Variants in ARHGEF9 observed in about 807,000 individuals in gnomAD.
ARHGEF9 encodes the protein Cdc42 guanine nucleotide exchange factor 9.
In ARHGEF9, 2 loss-of-function variants were observed where a neutral mutation model predicts 41.3. That is an observed-to-expected ratio of 0.05 (90% CI 0.02 to 0.15). The LOEUF (loss-of-function observed/expected upper bound fraction) is 0.15, where lower values mean the gene tolerates loss of function less well. Among genes scored for constraint, ARHGEF9 ranks in the 10% least tolerant of loss-of-function variants. ARHGEF9 has a pLI of 1.00. For missense variants in ARHGEF9, 225 were observed against 424.7 expected (o/e 0.53, Z 4.13); for synonymous variants, 160 against 154.4 (o/e 1.04, Z -0.27).
At chrX:63,649,864 C>T (rs2048418198) in intron 8 of ARHGEF9, among the ~76,000 whole-genome samples, 1 of 111,802 alleles carries the variant, frequency 8.9e-6, no homozygotes, top group Admixed American at 9.5e-5. Context: ...TTCCTCGACA[C>T]ATACACCCTC....
chrX:63,765,409 C>A (rs1340570107), intron 1 of ARHGEF9, among the ~76,000 whole-genome samples: 4 of 110,494 alleles, frequency 3.6e-5, no homozygotes, highest in Non-Finnish European at 7.6e-5. Context: ...AAAAAAAAAA[C>A]CCTCGCTTAA....
chrX:63,655,832 G>A (rs1227895524), intron 7 of ARHGEF9, 95 bp from the exon 8 acceptor site: 45 of 1,080,760 alleles, frequency 4.2e-5, no homozygotes, highest in Non-Finnish European at 5.5e-5. Context: ...CACTGTCACC[G>A]TTTTGAAGTA....
At chrX:63,774,359 C>T (rs1448556488) in intron 1 of ARHGEF9, among the ~76,000 whole-genome samples, 1 of 111,434 alleles carries the variant, frequency 9.0e-6, no homozygotes, top group Non-Finnish European at 1.9e-5. Context: ...ATCATAATAT[C>T]TGTGTAATTT....
chrX:63,654,614 G>A (rs782140025), intron 8 of ARHGEF9, among the ~76,000 whole-genome samples: 4 of 111,728 alleles, frequency 3.6e-5, no homozygotes, highest in Non-Finnish European at 5.6e-5. Context: ...CACATGGAAG[G>A]ATAAGAGAAC....
chrX:63,728,502 C>T (rs1458219620), intron 1 of ARHGEF9, among the ~76,000 whole-genome samples: 6 of 112,036 alleles, frequency 5.4e-5, no homozygotes, highest in Non-Finnish European at 9.4e-5. Context: ...GTAGCAATGA[C>T]AATAGGAGGT....
intron 1 of ARHGEF9, among the ~76,000 whole-genome samples, chrX:63,738,984 C>T (rs1284274075): frequency 8.9e-6 from 1 of 111,776 alleles, no homozygotes; most frequent in African/African-American, 3.3e-5. Context: ...GTAAGCCCAG[C>T]TGGGTTTTAA....
At chrX:63,639,473 T>C (rs1387242653) in intron 9 of ARHGEF9, 1 of 111,827 alleles carries the variant, frequency 8.9e-6, no homozygotes, top group African/African-American at 3.3e-5. Flanking sequence ...AATGGTAACA[T>C]TTTGCAAAAC....
rs1203752009 is a variant in ARHGEF9 at position 63,638,093 on chromosome X, C to T, written c.1507G>A (p.Glu503Lys). The T allele has an allele frequency of 2.5e-6, 3 of 1,207,982 alleles. No individual in the cohort carries two copies. Among genetic ancestry groups the T allele is most frequent in the Non-Finnish European group, 3.4e-6 (3 of 894,585 alleles). ...IAQSQVFEFT[E>K]PKRSQSPFWQ... is the part of the protein sequence containing the mutation. ...AATGGTGACTGGCTGCGCTTGGGTTCGGTGAACTCAAAGACCTGCGACTGA... is the reference window on the plus strand; with the variant it reads ...AATGGTGACTGGCTGCGCTTGGGTTTGGTGAACTCAAAGACCTGCGACTGA... Residue 503 changes from glutamate to lysine, a missense_variant, in exon 10 of 10, where the codon GAA (glutamate) becomes AAA (lysine). Transcript: ENST00000671741.
intron 1 of ARHGEF9, among the ~76,000 whole-genome samples, chrX:63,759,876 C>A (rs782345536): frequency 1.8e-5 from 2 of 111,628 alleles, no homozygotes; most frequent in Non-Finnish European, 3.8e-5. Flanking sequence ...AGATATGGAG[C>A]GCAGATGTAA....
At chrX:63,777,261 C>A (rs1235435748) in intron 1 of ARHGEF9, among the ~76,000 whole-genome samples, 1 of 111,289 alleles carries the variant, frequency 9.0e-6, no homozygotes, top group African/African-American at 3.3e-5. Flanking sequence ...GGAGGAAAAG[C>A]CCCTAATGAA....
intron 9 of ARHGEF9, among the ~76,000 whole-genome samples, chrX:63,643,610 G>T (rs1233694827): frequency 5.4e-5 from 6 of 110,291 alleles, no homozygotes; most frequent in African/African-American, 1.7e-4. Context: ...CTCCCAAAGT[G>T]CTGGGATTAC....
intron 5 of ARHGEF9, among the ~76,000 whole-genome samples, chrX:63,674,451 G>C (rs2050135682): frequency 8.9e-6 from 1 of 112,341 alleles, no homozygotes; most frequent in African/African-American, 3.2e-5. Context: ...AGTCAACAGG[G>C]ACAGGTTGAT....
chrX:63,666,335 C>T (rs1386496270), intron 6 of ARHGEF9, among the ~76,000 whole-genome samples: 2 of 105,718 alleles, frequency 1.9e-5, no homozygotes, highest in Non-Finnish European at 3.9e-5. Context: ...GCCTCTCTCT[C>T]TCTCTCTCTC....
intron 1 of ARHGEF9, among the ~76,000 whole-genome samples, chrX:63,735,934 C>CAGCCAA (rs1384273213): frequency 3.6e-5 from 4 of 111,999 alleles, no homozygotes; most frequent in Non-Finnish European, 7.5e-5. Context: ...AAAAGACATC[C>CAGCCAA]AGCCAAGGCC....
chrX:63,649,799 A>C (rs2048412231), intron 8 of ARHGEF9, among the ~76,000 whole-genome samples: 1 of 112,028 alleles, frequency 8.9e-6, no homozygotes, highest in Non-Finnish European at 1.9e-5. Flanking sequence ...CCATCAGAGA[A>C]TACTATAAAC....
At chrX:63,648,099 A>C (rs2048251639) in intron 8 of ARHGEF9, among the ~76,000 whole-genome samples, 1 of 111,210 alleles carries the variant, frequency 9.0e-6, no homozygotes, top group African/African-American at 3.3e-5. Context: ...AATACAGAGA[A>C]CACCACAAAG....
chrX:63,669,381 T>C (rs1556352583), intron 6 of ARHGEF9, among the ~76,000 whole-genome samples: 1 of 112,053 alleles, frequency 8.9e-6, no homozygotes, highest in Non-Finnish European at 1.9e-5. Flanking sequence ...AATATCCTCA[T>C]TGCCCAGCAT....
In ARHGEF9 at chrX:63,724,895, C is replaced by A; in HGVS notation, c.31-184G>T. On this transcript the variant is annotated intron_variant, in intron 1 of 9. Transcript: ENST00000671741. Reference sequence around the variant, plus strand: ...CGCAAGACAAACAATACTGTCAACTCTCTGTTAGCCAGTGCATGGAATGAC... The same window carrying A: ...CGCAAGACAAACAATACTGTCAACTATCTGTTAGCCAGTGCATGGAATGAC... The A allele has an allele frequency of 8.6e-6, 4 of 465,618 alleles. No homozygotes were observed. In the South Asian group the frequency reaches 1.3e-4, roughly 15 times the overall value. 38.4% of individuals were successfully genotyped at this position (465,618 alleles called of 1,213,427 possible).
chrX:63,707,694 T>G (rs1602496700), intron 2 of ARHGEF9, among the ~76,000 whole-genome samples: 1 of 111,824 alleles, frequency 8.9e-6, no homozygotes, highest in African/African-American at 3.2e-5. Flanking sequence ...ATCACACAAT[T>G]TAGATGCATC....
Sources: gnomAD v4.1 joint callset for allele counts (sites outside exome capture counted in the v4.1 genomes callset) on GRCh38, gnomAD v4.1.1 for gene constraint, MANE v1.5 for transcripts, NCBI Gene and HGNC (gene_info 2026-07-23, HGNC 2026-07-21) for gene names.